SMOX: variants seen among roughly 807,000 people sequenced by gnomAD.
SMOX encodes the protein spermine oxidase, also known as flavin containing amine oxidase.
SMOX carries 22 observed loss-of-function variants against 51.0 expected under a neutral mutation model. The ratio of observed to expected loss-of-function variants is 0.43; its 90% CI spans 0.31 to 0.62. The LOEUF is 0.62. Ranked by LOEUF, SMOX falls within the 20% of genes least tolerant of loss-of-function variation. SMOX has a pLI of 0.10. For synonymous variants in SMOX, 282 were observed against 307.8 expected (o/e 0.92, Z 0.88); for missense variants, 566 against 777.7 (o/e 0.73, Z 3.24).
intron 1 of SMOX, among the ~76,000 whole-genome samples, chr20:4,151,507 C>T (rs1985760041): frequency 6.6e-6 from 1 of 152,088 alleles, no homozygotes; most frequent in Non-Finnish European, 1.5e-5. Flanking sequence ...GACCACTGTC[C>T]CCTTTGCATT....
At chr20:4,161,221 T>C (rs752478535) in intron 1 of SMOX, among the ~76,000 whole-genome samples, 7 of 152,264 alleles carry the variant, frequency 4.6e-5, no homozygotes, top group Non-Finnish European at 8.8e-5. Flanking sequence ...TGGGTGGATC[T>C]CTGTGCTGGG....
Position 4,183,485 on chromosome 20 carries a change from C to G in SMOX, c.1370-9C>G. 1.2e-6 allele frequency: 2 copies of G among 1,614,178 alleles called. No homozygotes were observed. Among genetic ancestry groups the G allele is most frequent in the Admixed American group, 3.3e-5 (2 of 60,018 alleles). On this transcript the variant is annotated splice_polypyrimidine_tract_variant and intron_variant, in intron 5 of 6. Transcript: ENST00000305958. The surrounding 1 kb of genome is among the most constrained non-coding windows in gnomAD (Gnocchi z 4.3). Reference sequence around the variant, plus strand: ...CTCCCTCCTCTTGGCTTTTCTGACTCTCCATCAGGGAACCCCAACATTCCA... The same window carrying G: ...CTCCCTCCTCTTGGCTTTTCTGACTGTCCATCAGGGAACCCCAACATTCCA...
In SMOX at chr20:4,166,642, T is replaced by C. The variant is rs1305753610; in HGVS notation, c.-26-8388T>C. Reference sequence around the variant, plus strand: ...ACCTTATGCCTCCCAGGCAAAAGGGTCCTGAAACAATGAACCTCGGTGGTA... The same window carrying C: ...ACCTTATGCCTCCCAGGCAAAAGGGCCCTGAAACAATGAACCTCGGTGGTA... On this transcript the variant is annotated intron_variant, in intron 1 of 6. Coordinates refer to ENST00000305958, the MANE Select transcript of SMOX (RefSeq NM_175839.3). This position sits in a 1 kb window ranked among gnomAD's most constrained non-coding sequence, Gnocchi z 4.2. Among the ~76,000 whole-genome samples, 2 of 152,076 alleles carry C rather than the reference T, an allele frequency of 1.3e-5. No individual in the cohort carries two copies. The highest frequency in any genetic ancestry group is 2.9e-5 in the Non-Finnish European group (2 of 68,016).
At chr20:4,154,083 C>A (rs1210341796) in intron 1 of SMOX, among the ~76,000 whole-genome samples, 1 of 152,062 alleles carries the variant, frequency 6.6e-6, no homozygotes, top group African/African-American at 2.4e-5. Context: ...GCGGCTTTGG[C>A]CGACAGAGGA....
chr20:4,175,408 C>T (rs978261473), intron 2 of SMOX, 145 bp downstream of exon 2: 2 of 986,950 alleles, frequency 2.0e-6, no homozygotes, highest in Non-Finnish European at 1.5e-6. Context: ...CAGAAGCTTC[C>T]TTCGCTCCTC....
intron 1 of SMOX, among the ~76,000 whole-genome samples, chr20:4,164,695 A>C (rs1986480111): frequency 2.6e-5 from 4 of 152,154 alleles, no homozygotes; most frequent in Admixed American, 1.3e-4. Context: ...GGTGCCTCAA[A>C]ACAGGGCTGA....
chr20:4,183,746 C>G lies in SMOX; in HGVS notation c.1530+92C>G, dbSNP rs1979529726. Reference sequence around the variant, plus strand: ...GTGAGGAGGGCTAGGGTAGTGTTCACTAAGGGGTGCTCAGGTGAGGCAGGG... The same window carrying G: ...GTGAGGAGGGCTAGGGTAGTGTTCAGTAAGGGGTGCTCAGGTGAGGCAGGG... On this transcript the variant is annotated intron_variant, in intron 6 of 6. Coordinates refer to ENST00000305958, the MANE Select transcript of SMOX (RefSeq NM_175839.3). This position sits in a 1 kb window ranked among gnomAD's most constrained non-coding sequence, Gnocchi z 4.3. The G allele has an allele frequency of 2.8e-6, 4 of 1,415,896 alleles. No individual in the cohort carries two copies. Among genetic ancestry groups the G allele is most frequent in the Non-Finnish European group, 2.8e-6 (3 of 1,080,332 alleles). 87.7% of individuals were successfully genotyped at this position (1,415,896 alleles called of 1,614,324 possible).
intron 1 of SMOX, among the ~76,000 whole-genome samples, chr20:4,158,792 A>C (rs1264863340): frequency 6.6e-6 from 1 of 151,534 alleles, no homozygotes; most frequent in East Asian, 1.9e-4. Context: ...ACTGCTCCCC[A>C]CCCATAACCA....
chr20:4,177,543 A>G lies in SMOX; in HGVS notation c.401A>G (p.Asp134Gly). The change falls in exon 3 of 7, where the codon GAC (aspartate) becomes GGC (glycine). Residue 134 changes from aspartate to glycine, a missense_variant. By Grantham distance (94) the Asp-to-Gly change is moderately conservative (BLOSUM62 -1). Coordinates refer to ENST00000305958, the MANE Select transcript of SMOX (RefSeq NM_175839.3). This position sits in a 1 kb window ranked among gnomAD's most constrained non-coding sequence, Gnocchi z 4.3. ...LTNHGRRIPKDVVEEFSDLYN... is the reference protein window; with the variant it reads ...LTNHGRRIPKGVVEEFSDLYN... ...AACCACGGCCGCAGGATCCCCAAGGACGTGGTTGAGGAATTCAGCGATTTA... is the reference window on the plus strand; with the variant it reads ...AACCACGGCCGCAGGATCCCCAAGGGCGTGGTTGAGGAATTCAGCGATTTA... 1.3e-6 allele frequency: 2 copies of G among 1,595,368 alleles called. No homozygotes were observed. The highest frequency in any genetic ancestry group is 1.7e-6 in the Non-Finnish European group (2 of 1,169,994).
At chr20:4,161,064 C>T (rs1301568947) in intron 1 of SMOX, among the ~76,000 whole-genome samples, 1 of 152,218 alleles carries the variant, frequency 6.6e-6, no homozygotes. Flanking sequence ...AAAGAGTCAG[C>T]GGAAAGTGCT....
rs769406294 is a variant in SMOX at position 4,182,453 on chromosome 20, C to T, written c.974C>T (p.Ala325Val). Reference protein sequence around the residue: ...VECEDCELIPADHVIVTVSLG... With the variant: ...VECEDCELIPVDHVIVTVSLG... ...TGCGAGGACTGTGAGCTGATCCCGG[C>T]GGACCATGTGATTGTGACCGTGTCG... is the stretch of plus-strand genomic sequence containing the variant. Residue 325 changes from alanine (A) to valine (V), a missense_variant, in exon 5 of 7, where the codon GCG becomes GTG. By Grantham distance (64) the Ala-to-Val change is moderately conservative. This residue lies in a region of SMOX where 347 missense variants were observed against 481.8 expected (regional missense o/e 0.72). Coordinates refer to ENST00000305958, the MANE Select transcript of SMOX (RefSeq NM_175839.3). The surrounding 1 kb of genome is among the most constrained non-coding windows in gnomAD (Gnocchi z 8.4). 3.0e-5 allele frequency: 48 copies of T among 1,599,208 alleles called. No homozygotes were observed. The highest frequency in any genetic ancestry group is 2.8e-4 in the South Asian group (25 of 88,016).
rs578093412 is a variant in SMOX, at chr20:4,166,167, C to T, written c.-26-8863C>T. ...GTGTGATCTATTGTCAGAGTGTGAT[C>T]GAGTTGCTAATTTTTGCTGAAGGTG... On this transcript the variant is annotated intron_variant, in intron 1 of 6. Coordinates refer to ENST00000305958, the MANE Select transcript of SMOX (RefSeq NM_175839.3). The surrounding 1 kb of genome is among the most constrained non-coding windows in gnomAD (Gnocchi z 4.2). 4.3e-4 allele frequency among the ~76,000 whole-genome samples: 66 copies of T among 152,134 alleles called. No individual in the cohort carries two copies. Among genetic ancestry groups the T allele is most frequent in the Non-Finnish European group, 7.6e-4 (52 of 67,992 alleles).
intron 1 of SMOX, among the ~76,000 whole-genome samples, chr20:4,174,464 CTG>C (rs567133453): frequency 4.6e-5 from 7 of 151,880 alleles, no homozygotes; most frequent in Non-Finnish European, 1.0e-4. Context: ...CCTGGGGGGT[CTG>C]TGTGAGTATC....
rs903875922 is a variant in SMOX, at chr20:4,149,145, G to A, written c.-27+168G>A. On this transcript the variant is annotated intron_variant, in intron 1 of 6. Coordinates refer to ENST00000305958, the MANE Select transcript of SMOX (RefSeq NM_175839.3). This position sits in a 1 kb window ranked among gnomAD's most constrained non-coding sequence, Gnocchi z 6.0. ...GCGGCGCTCGGGCGCTCGGGCGGGG[G>A]TGCGGGGCGTTCCGGGAGGCTCGCG... is the stretch of plus-strand genomic sequence containing the variant. Among the ~76,000 whole-genome samples, 1 of 149,138 alleles carries A rather than the reference G, an allele frequency of 6.7e-6. No individual in the cohort carries two copies. Among genetic ancestry groups the A allele is most frequent in the Non-Finnish European group, 1.5e-5 (1 of 66,842 alleles).
chr20:4,157,095 G>A (rs1296383445), intron 1 of SMOX, among the ~76,000 whole-genome samples: 4 of 152,110 alleles, frequency 2.6e-5, no homozygotes, highest in South Asian at 2.1e-4. Context: ...GCATTTCCTC[G>A]CTTTGCAAGT....
chr20:4,157,401 G>A (rs2122391089), intron 1 of SMOX, among the ~76,000 whole-genome samples: 1 of 152,306 alleles, frequency 6.6e-6, no homozygotes, highest in South Asian at 2.1e-4. Context: ...GGTTAGACCA[G>A]AGTAGCCTGC....
rs990490963 is a variant in SMOX at position 4,172,992 on chromosome 20, C to T, written c.-26-2038C>T. 1.3e-5 allele frequency among the ~76,000 whole-genome samples: 2 copies of T among 152,230 alleles called. No individual in the cohort carries two copies. The highest frequency in any genetic ancestry group is 4.8e-5 in the African/African-American group (2 of 41,460). On this transcript the variant is annotated intron_variant, in intron 1 of 6. Coordinates refer to ENST00000305958, the MANE Select transcript of SMOX (RefSeq NM_175839.3). This position sits in a 1 kb window ranked among gnomAD's most constrained non-coding sequence, Gnocchi z 7.7. ...CTGCGGTTCCAAGTGGGATAGAAAC[C>T]TCAGTGGTCAGACCCTGAAATGCAT... is the stretch of plus-strand genomic sequence containing the variant.
rs1328062059 is a variant in SMOX at position 4,170,493 on chromosome 20, G to T, written c.-26-4537G>T. ...TTCACTTTTTTTTTTCTGAGACAGG[G>T]TCTCACTCTGTTGCCCAGGCTGGAG... On this transcript the variant is annotated intron_variant, in intron 1 of 6. Transcript: ENST00000305958. The surrounding 1 kb of genome is among the most constrained non-coding windows in gnomAD (Gnocchi z 4.6). Among the ~76,000 whole-genome samples the T allele has an allele frequency of 2.0e-5, 3 of 152,062 alleles. No homozygotes were observed. Among genetic ancestry groups the T allele is most frequent in the Middle Eastern group, 3.2e-3 (1 of 316 alleles).
Position 4,181,751 on chromosome 20 carries a change from T to G in SMOX, c.436-52T>G. ...GGGTTTGGGTTGGGGGCCTTCTGTTTGAGATGGAGGTGTGATGAGGTGTTT... is the reference window on the plus strand; with the variant it reads ...GGGTTTGGGTTGGGGGCCTTCTGTTGGAGATGGAGGTGTGATGAGGTGTTT... On this transcript the variant is annotated intron_variant, in intron 3 of 6. Transcript: ENST00000305958. This position sits in a 1 kb window ranked among gnomAD's most constrained non-coding sequence, Gnocchi z 5.6. 88 of 1,574,450 alleles carry G rather than the reference T, an allele frequency of 5.6e-5. No homozygotes were observed. Among genetic ancestry groups the G allele is most frequent in the Non-Finnish European group, 6.9e-5 (80 of 1,155,394 alleles).
Sources: allele counts gnomAD v4.1 joint callset (sites outside exome capture counted in the v4.1 genomes callset), GRCh38; gene constraint gnomAD v4.1.1; regional missense constraint gnomAD v4.1.1; non-coding constraint Gnocchi (gnomAD v3.1); transcripts MANE v1.5; gene names NCBI Gene and HGNC (gene_info 2026-07-23, HGNC 2026-07-21).